ABCA6: variants seen among roughly 807,000 people sequenced by gnomAD.
The protein encoded by ABCA6 is ATP-binding cassette sub-family A member 6.
ABCA6 carries 164 observed loss-of-function variants against 191.2 expected under a neutral mutation model. That is an observed-to-expected ratio of 0.86 (90% CI 0.76 to 0.98). The LOEUF is 0.98. Among genes scored for constraint, ABCA6 ranks in the 50% least tolerant of loss-of-function variants. The probability of loss-of-function intolerance (pLI) is 0.00; values close to 1 mark genes in which losing one functional copy is unlikely to be tolerated. For synonymous variants in ABCA6, 636 were observed against 647.7 expected (o/e 0.98, Z 0.27); for missense variants, 1,958 against 1,894.1 (o/e 1.03, Z -0.63).
chr17:69,096,794 G>A lies in ABCA6; in HGVS notation c.3128C>T (p.Ala1043Val). ...GCCTGAAATCCATAGCTGGGACTTA[G>A]CATTTTTCTGATTAAAAAAAAAAAG... ...MGSISDYKKN[A>V]KSQLWISGLY... is the part of the protein sequence containing the mutation. Residue 1043 changes from alanine (A) to valine (V), a missense_variant, in exon 24 of 39, where the codon GCT (alanine) becomes GTT (valine). Physicochemically the swap from Ala to Val is moderately conservative, Grantham distance 64. Transcript: ENST00000284425. 3 of 1,517,962 alleles carry A rather than the reference G, an allele frequency of 2.0e-6. No individual in the cohort carries two copies. Among genetic ancestry groups the A allele is most frequent in the Non-Finnish European group, 2.6e-6 (3 of 1,144,612 alleles). 94.0% of individuals were successfully genotyped at this position (1,517,962 alleles called of 1,614,324 possible). A position where few individuals can be genotyped will look rare whatever the true frequency, so the allele number is the denominator to read the frequency against.
Position 69,115,372 on chromosome 17 carries a change from T to A in ABCA6, c.1606+4A>T, listed in dbSNP as rs376104027. On this transcript the variant is annotated splice_donor_region_variant and intron_variant, in intron 12 of 38. Coordinates refer to ENST00000284425, the MANE Select transcript of ABCA6 (RefSeq NM_080284.3). ...TTGCCTTTGAGAAATTTCTTTTTAC[T>A]CACCTTCTGTTGGAACAGACAATCC... 6.3e-7 allele frequency: 1 copy of A among 1,599,564 alleles called. No homozygotes were observed. The highest frequency in any genetic ancestry group is 1.3e-5 in the African/African-American group (1 of 74,652).
At chr17:69,117,447 T>C (rs1373479413) in intron 11 of ABCA6, among the ~76,000 whole-genome samples, 1 of 152,088 alleles carries the variant, frequency 6.6e-6, no homozygotes, top group Non-Finnish European at 1.5e-5. Context: ...TTTCAAATTA[T>C]AACTTAGGTT....
chr17:69,139,539 T>G (rs533125570), intron 2 of ABCA6, among the ~76,000 whole-genome samples: 1 of 152,212 alleles, frequency 6.6e-6, no homozygotes, highest in Non-Finnish European at 1.5e-5. Flanking sequence ...GTCAGTGTGG[T>G]GATTCCTCAG....
At position 69,078,978 on chromosome 17, in the gene ABCA6, G is replaced by C. The variant is rs1225892879; in HGVS notation, c.4849C>G (p.Pro1617Ala). The C allele has an allele frequency of 6.2e-7, 1 of 1,605,814 alleles. No individual in the cohort carries two copies. The highest frequency in any genetic ancestry group is 8.5e-7 in the Non-Finnish European group (1 of 1,176,290). Residue 1617 changes from proline to alanine, a missense_variant, in exon 39 of 39, where the codon CCT becomes GCT. Transcript: ENST00000284425. ...AAATTACTAGGTTTGAGGTTTTAAG[G>C]TTCATCTGAATGAGGGAGGAGTTTC... is the stretch of plus-strand genomic sequence containing the variant. Reference protein sequence around the residue: ...RWKLLPHSDEP With the variant: ...RWKLLPHSDEA
At chr17:69,129,577 G>C (rs1598057146) in intron 7 of ABCA6, 33 bp downstream of exon 7, 8 of 1,539,190 alleles carry the variant, frequency 5.2e-6, no homozygotes, top group Non-Finnish European at 7.1e-6. Context: ...AAGATCTAAA[G>C]CAGAGAAAGT....
In ABCA6 at chr17:69,084,450, T is replaced by C. The variant is rs745588043; in HGVS notation, c.4242A>G (p.Thr1414=). The change falls in exon 33 of 39, where the codon ACA becomes ACG. Residue 1414 remains threonine, a synonymous_variant. Transcript: ENST00000284425. ...EQLNVPVQKL[T]AGITRKLCFV... Reference sequence around the variant, plus strand: ...CACGTACCTTTCTCGTGATTCCTGCTGTTAATTTCTGCACAGGAACATTCA... The same window carrying C: ...CACGTACCTTTCTCGTGATTCCTGCCGTTAATTTCTGCACAGGAACATTCA... 2 of 1,614,226 alleles carry C rather than the reference T, an allele frequency of 1.2e-6. No individual in the cohort carries two copies. The highest frequency in any genetic ancestry group is 3.3e-5 in the Admixed American group (2 of 60,024).
rs138416476 is a variant in ABCA6 at position 69,100,822 on chromosome 17, C to T, written c.2987G>A (p.Arg996Gln). The T allele has an allele frequency of 8.1e-6, 13 of 1,610,014 alleles. No individual in the cohort carries two copies. Among genetic ancestry groups the T allele is most frequent in the East Asian group, 6.7e-5 (3 of 44,650 alleles). ...LQMFNHTQHI[R>Q]IESSPFPLSH... ...AAGAGGAAATGGGCTTGACTCAATTCGAATATGTTGTGTGTGATTAAACAT... is the reference window on the plus strand; with the variant it reads ...AAGAGGAAATGGGCTTGACTCAATTTGAATATGTTGTGTGTGATTAAACAT... The change falls in exon 22 of 39, where the codon CGA (arginine) becomes CAA (glutamine). Residue 996 changes from arginine to glutamine, a missense_variant. Physicochemically the swap from Arg to Gln is conservative, Grantham distance 43. Coordinates refer to ENST00000284425, the MANE Select transcript of ABCA6 (RefSeq NM_080284.3).
At chr17:69,124,329 G>GA (rs1237676352) in intron 9 of ABCA6, among the ~76,000 whole-genome samples, 2 of 151,762 alleles carry the variant, frequency 1.3e-5, no homozygotes, top group Non-Finnish European at 1.5e-5. Flanking sequence ...GATTGTGCCA[G>GA]AAAAAAAGCT....
Position 69,105,520 on chromosome 17 carries a change from G to C in ABCA6, c.2682C>G (p.Leu894=), listed in dbSNP as rs141524430. Reference sequence around the variant, plus strand: ...GTTCCTGGGGAAGTTGTCCAGGAGAGAGAAAATACAATTCGTTTTTAAATT... The same window carrying C: ...GTTCCTGGGGAAGTTGTCCAGGAGACAGAAAATACAATTCGTTTTTAAATT... ...DWEFKNELYF[L]SPGQLPQEPR... is the part of the protein sequence containing the mutation. Residue 894 remains leucine (L), a synonymous_variant, in exon 20 of 39, where the codon CTC becomes CTG. Coordinates refer to ENST00000284425, the MANE Select transcript of ABCA6 (RefSeq NM_080284.3). The C allele has an allele frequency of 1.9e-6, 3 of 1,611,128 alleles. No homozygotes were observed. The highest frequency in any genetic ancestry group is 1.3e-5 in the African/African-American group (1 of 74,802).
At chr17:69,134,763 A>T (rs1442088834) in intron 4 of ABCA6, 21 bp from the exon 5 acceptor site, 1 of 1,542,318 alleles carries the variant, frequency 6.5e-7, no homozygotes, top group East Asian at 2.2e-5. Context: ...AAAGAAAAGC[A>T]CAGCCAACAT....
At chr17:69,087,625 A>T in intron 28 of ABCA6, 152 bp from the exon 29 acceptor site, 1 of 1,016,234 alleles carries the variant, frequency 9.8e-7, no homozygotes, top group Non-Finnish European at 1.4e-6. Context: ...TGCTTTTGCC[A>T]AGAACTCCTG....
intron 10 of ABCA6, among the ~76,000 whole-genome samples, chr17:69,122,446 T>C (rs1836112650): frequency 6.6e-6 from 1 of 152,082 alleles, no homozygotes; most frequent in Non-Finnish European, 1.5e-5. Context: ...ATATTCTAAA[T>C]GCTCCTCATG....
intron 6 of ABCA6, among the ~76,000 whole-genome samples, chr17:69,131,221 G>C (rs768644976): frequency 2.6e-5 from 4 of 152,090 alleles, no homozygotes; most frequent in Non-Finnish European, 5.9e-5. Context: ...GAATTCAATA[G>C]CTGAAGCATA....
intron 7 of ABCA6, 66 bp from the exon 8 acceptor site, chr17:69,128,870 C>A: frequency 2.4e-6 from 3 of 1,273,124 alleles, no homozygotes; most frequent in Non-Finnish European, 1.1e-6. Context: ...TCATTGGCAG[C>A]CCAATCAAAT....
rs552416045 is a variant in ABCA6, at chr17:69,104,295, C to T, written c.2740+1167G>A. ...ACAAGCCCACTGCCCTCAAGAGTGA[C>T]CAAAGAGGAAAAGAGAGACCTAATT... On this transcript the variant is annotated intron_variant, in intron 20 of 38. Transcript: ENST00000284425. 7.2e-5 allele frequency: 11 copies of T among 152,016 alleles called. 1 individual carries two copies. The South Asian group carries it at 2.3e-3, about 32-fold the overall frequency. The allele number at this position is 152,016 out of a possible 1,614,324, so 9.4% of individuals were successfully genotyped here.
rs754544070 is a variant in ABCA6, at chr17:69,091,179, T to G, written c.3492A>C (p.Ser1164=). Residue 1164 remains serine (S), a synonymous_variant, in exon 26 of 39, where the codon TCA becomes TCC. Transcript: ENST00000284425. ...ILITTMVLVP[S]YTLLGFKTFL... ...AAGTTTTAAATCCAAGCAAGGTATA[T>G]GAAGGAACCAATACCATGGTGGTAA... The G allele has an allele frequency of 1.2e-6, 2 of 1,611,716 alleles. No individual in the cohort carries two copies. Among genetic ancestry groups the G allele is most frequent in the Non-Finnish European group, 1.7e-6 (2 of 1,179,238 alleles).
intron 25 of ABCA6, 44 bp from the exon 26 acceptor site, chr17:69,091,306 C>T: frequency 6.3e-7 from 1 of 1,594,118 alleles, no homozygotes; most frequent in Non-Finnish European, 8.5e-7. Context: ...ATACTCAACC[C>T]ATTGATATTT....
At chr17:69,101,073 C>G in intron 21 of ABCA6, 139 bp from the exon 22 acceptor site, 3 of 623,622 alleles carry the variant, frequency 4.8e-6, no homozygotes, top group Non-Finnish European at 8.1e-6. Context: ...CTGAGCTTTA[C>G]CTTCCTCATC....
At position 69,140,696 on chromosome 17, in the gene ABCA6, A is replaced by T. The variant is rs561385580; in HGVS notation, c.8T>A (p.Met3Lys). The part of the protein sequence containing the change: MN[M>K]KQKSVYQQTK... ...TTGCTGATACACGCTTTTCTGTTTC[A>T]TATTCATTTAGCCTATTCGCTGAAG... The change falls in exon 2 of 39, where the codon ATG (methionine) becomes AAG (lysine). Residue 3 changes from methionine to lysine, a missense_variant. Met to Lys is a moderately conservative substitution (Grantham distance 95). Coordinates refer to ENST00000284425, the MANE Select transcript of ABCA6 (RefSeq NM_080284.3). The T allele has an allele frequency of 1.3e-6, 2 of 1,593,460 alleles. No individual in the cohort carries two copies. The highest frequency in any genetic ancestry group is 4.6e-5 in the East Asian group (2 of 43,660).
Sources: allele counts gnomAD v4.1 joint callset (sites outside exome capture counted in the v4.1 genomes callset), GRCh38; gene constraint gnomAD v4.1.1; transcripts MANE v1.5; gene names NCBI Gene and HGNC (gene_info 2026-07-23, HGNC 2026-07-21).